ANKRD36C: variants seen among roughly 807,000 people sequenced by gnomAD.
ANKRD36C encodes the protein ankyrin repeat domain 36C, also known as ankyrin repeat domain-containing protein 36C.
ANKRD36C carries 61 observed loss-of-function variants against 276.4 expected under a neutral mutation model. That is an observed-to-expected ratio of 0.22 (90% CI 0.18 to 0.27). The LOEUF is 0.27. ANKRD36C is among the 10% of genes least tolerant of loss of function. The pLI is 1.00. For synonymous variants in ANKRD36C, 483 were observed against 680.1 expected, an observed-to-expected ratio of 0.71 and a Z score of 4.51; for missense variants, 1,447 against 2,032.3, an observed-to-expected ratio of 0.71 and a Z score of 5.54.
At chr2:95,857,398 T>C in exon 62 of ANKRD36C, 2 of 1,610,098 alleles carry the variant, frequency 1.2e-6, no homozygotes, top group Non-Finnish European at 1.7e-6. Flanking sequence ...GCTTCTATCC[T>C]ATATTGCTCT....
chr2:95,939,898 CTTATGCAAAA>C (rs1677826686), intron 20 of ANKRD36C, among the ~76,000 whole-genome samples: 1 of 151,868 alleles, frequency 6.6e-6, no homozygotes, highest in Admixed American at 6.6e-5. Flanking sequence ...TTTTCATTCA[CTTATGCAAAA>C]AAAAAGTATG....
At chr2:95,987,290 T>C in intron 1 of ANKRD36C, 84 bp from the exon 2 acceptor site, 1 of 1,476,770 alleles carries the variant, frequency 6.8e-7, no homozygotes, top group East Asian at 2.5e-5. Flanking sequence ...AACAAATATG[T>C]AATTTTCTTG....
intron 6 of ANKRD36C, among the ~76,000 whole-genome samples, chr2:95,971,622 T>C (rs1170186138): frequency 2.0e-5 from 3 of 152,082 alleles, no homozygotes; most frequent in African/African-American, 4.8e-5. Flanking sequence ...AGAATTATAG[T>C]ATATAAAAGT....
At chr2:95,872,889 CT>C (rs1465208427) in intron 59 of ANKRD36C, among the ~76,000 whole-genome samples, 1 of 152,150 alleles carries the variant, frequency 6.6e-6, no homozygotes, top group Non-Finnish European at 1.5e-5. Flanking sequence ...CTACAAACAC[CT>C]CTACGCAAAT....
At chr2:95,902,791 T>C in intron 42 of ANKRD36C, 95 bp downstream of exon 54, 1 of 1,373,478 alleles carries the variant, frequency 7.3e-7, no homozygotes. Flanking sequence ...AATCAGAATG[T>C]GCAGCTTCAA....
chr2:95,912,808 T>C lies in ANKRD36C; in HGVS notation c.2552-373A>G, dbSNP rs540308365. Among the ~76,000 whole-genome samples, 35 of 151,554 alleles carry C rather than the reference T, an allele frequency of 2.3e-4. No individual in the cohort carries two copies. In the South Asian group the frequency reaches 7.3e-3, roughly 31 times the overall value. On this transcript the variant is annotated intron_variant, in intron 40 of 66. Transcript: ENST00000456556. The stretch of plus-strand genomic sequence containing the variant: ...AGGTGCTATATGATCCCATATGTCT[T>C]TCATGCAACAAATCAAAAGGATTTA...
intron 10 of ANKRD36C, among the ~76,000 whole-genome samples, chr2:95,959,765 A>T (rs901596729): frequency 1.3e-5 from 2 of 152,206 alleles, no homozygotes; most frequent in African/African-American, 4.8e-5. Flanking sequence ...TCATTTGACT[A>T]ACTGATAACA....
chr2:95,974,303 C>T lies in ANKRD36C; in HGVS notation c.799+3819G>A, dbSNP rs536115404. Among the ~76,000 whole-genome samples, 18 of 152,202 alleles carry T rather than the reference C, an allele frequency of 1.2e-4. No individual in the cohort carries two copies. The East Asian group carries it at 3.3e-3, about 28-fold the overall frequency. On this transcript the variant is annotated intron_variant, in intron 6 of 66. Coordinates refer to ENST00000456556, the Ensembl canonical transcript of ANKRD36C. The stretch of plus-strand genomic sequence containing the variant: ...GAAACTTAAAATCTTAAAGGAGCAG[C>T]ATCACTTACACTGTCACTGTGCTAA...
chr2:95,977,686 A>T, intron 6 of ANKRD36C, among the ~76,000 whole-genome samples: 1 of 152,240 alleles, frequency 6.6e-6, no homozygotes, highest in East Asian at 1.9e-4. Flanking sequence ...TTTCAACAGC[A>T]TGGGGATTGG....
Position 95,919,093 on chromosome 2 carries a change from C to A in ANKRD36C, c.2246-1051G>T, listed in dbSNP as rs948047702. Among the ~76,000 whole-genome samples, 3 of 136,458 alleles carry A rather than the reference C, an allele frequency of 2.2e-5. 1 individual carries two copies. Among genetic ancestry groups the A allele is most frequent in the Non-Finnish European group, 5.0e-5 (3 of 60,558 alleles). The allele number at this position is 136,458 out of a possible 152,430, so 89.5% of individuals were successfully genotyped here. A position where few individuals can be genotyped will look rare whatever the true frequency, so the allele number is the denominator to read the frequency against. ...GAGTAATGAGTCAGTGTGCTTTATC[C>A]CAATTCTAGCATTGTTTCCTGCTTC... On this transcript the variant is annotated intron_variant, in intron 34 of 66. Coordinates refer to ENST00000456556, the Ensembl canonical transcript of ANKRD36C.
Position 95,891,835 on chromosome 2 carries a change from C to CA in ANKRD36C, c.2780dup (p.Leu927PhefsTer6). 1 of 1,562,452 alleles carries CA rather than the reference C, an allele frequency of 6.4e-7. No homozygotes were observed. The highest frequency in any genetic ancestry group is 8.7e-7 in the Non-Finnish European group (1 of 1,153,644). ...ATATAAATGACAGTTTCATTACCTTCAAGCCTGATGGTTTCTCAGAAGACA... is the reference window on the plus strand; with the variant it reads ...ATATAAATGACAGTTTCATTACCTTCAAAGCCTGATGGTTTCTCAGAAGACA... On this transcript the variant is annotated frameshift_variant, in exon 45 of 67. Coordinates refer to ENST00000456556, the Ensembl canonical transcript of ANKRD36C. LOFTEE classifies it high-confidence loss of function.
Position 95,884,152 on chromosome 2 carries a change from A to T in ANKRD36C, c.3265+21T>A, listed in dbSNP as rs199966618. ...TTCTATCTGGACTGAACATGACATT[A>T]AATGTGTTTTGCAAAATTACCTGTC... is the stretch of plus-strand genomic sequence containing the variant. On this transcript the variant is annotated intron_variant, in intron 54 of 66. Coordinates refer to ENST00000456556, the Ensembl canonical transcript of ANKRD36C. 137 of 1,598,918 alleles carry T rather than the reference A, an allele frequency of 8.6e-5. No homozygotes were observed. In the South Asian group the frequency reaches 1.4e-3, roughly 16 times the overall value.
intron 3 of ANKRD36C, 180 bp downstream of exon 3, chr2:95,986,571 A>C (rs1679029720): frequency 1.2e-6 from 1 of 807,630 alleles, no homozygotes; most frequent in African/African-American, 1.7e-5. Context: ...GCTGTTCCTT[A>C]TAATGCTTCT....
Position 95,912,230 on chromosome 2 carries a change from T to C in ANKRD36C, c.2653+14A>G. The C allele has an allele frequency of 6.5e-7, 1 of 1,544,998 alleles. No individual in the cohort carries two copies. The highest frequency in any genetic ancestry group is 8.7e-7 in the Non-Finnish European group (1 of 1,145,438). On this transcript the variant is annotated intron_variant, in intron 42 of 66. Transcript: ENST00000456556. Reference sequence around the variant, plus strand: ...TGGACTGCACATGACATTAAATGTGTTTTGCAAAATTACCTGTCCTAGATG... The same window carrying C: ...TGGACTGCACATGACATTAAATGTGCTTTGCAAAATTACCTGTCCTAGATG...
At chr2:95,931,956 A>G (rs1313959189) in intron 24 of ANKRD36C, among the ~76,000 whole-genome samples, 1 of 152,280 alleles carries the variant, frequency 6.6e-6, no homozygotes, top group African/African-American at 2.4e-5. Context: ...GGAACACTCT[A>G]TAGGGATCAA....
intron 60 of ANKRD36C, among the ~76,000 whole-genome samples, chr2:95,861,265 G>A (rs1675573402): frequency 6.6e-6 from 1 of 151,828 alleles, no homozygotes; most frequent in South Asian, 2.1e-4. Flanking sequence ...AACTATAGTG[G>A]ATGGAAATAA....
intron 62 of ANKRD36C, among the ~76,000 whole-genome samples, chr2:95,856,782 T>G (rs1463284174): frequency 6.6e-6 from 1 of 152,152 alleles, no homozygotes; most frequent in African/African-American, 2.4e-5. Flanking sequence ...TAGCAAAAGG[T>G]TAAAAATATA....
At position 95,891,750 on chromosome 2, in the gene ANKRD36C, T is replaced by A. The variant is rs757641001; in HGVS notation, c.2785-13A>T. On this transcript the variant is annotated splice_polypyrimidine_tract_variant and intron_variant, in intron 45 of 66. Transcript: ENST00000456556. ...CGTCACTTGTAGCCTGAATGGAATT[T>A]GAAATGAAATAATAAATTAATAAAG... 8.3e-5 allele frequency: 130 copies of A among 1,574,888 alleles called. No homozygotes were observed. The African/African-American group carries it at 1.6e-3, about 19-fold the overall frequency.
At chr2:95,858,983 G>C (rs945837876) in intron 61 of ANKRD36C, among the ~76,000 whole-genome samples, 3 of 151,862 alleles carry the variant, frequency 2.0e-5, no homozygotes, top group Admixed American at 1.3e-4. Context: ...AAGCTAATCA[G>C]TAATCACTTT....
Sources: gnomAD v4.1 joint callset for allele counts (sites outside exome capture counted in the v4.1 genomes callset) on GRCh38, gnomAD v4.1.1 for gene constraint, MANE v1.5 for transcripts, NCBI Gene and HGNC (gene_info 2026-07-23, HGNC 2026-07-21) for gene names.